SHTN1: variants seen among roughly 807,000 people sequenced by gnomAD.
SHTN1 encodes shootin-1.
SHTN1 carries 42 observed loss-of-function variants against 83.1 expected under a neutral mutation model. The observed-to-expected ratio is 0.51, with a 90% CI of 0.39 to 0.65. The LOEUF (loss-of-function observed/expected upper bound fraction) is 0.65. Ranked by LOEUF, SHTN1 falls within the 30% of genes least tolerant of loss-of-function variation. The pLI, the probability that SHTN1 is intolerant of heterozygous loss-of-function variation, is 0.00. For missense variants in SHTN1, 622 were observed against 737.8 expected, an observed-to-expected ratio of 0.84 and a Z score of 1.82; for synonymous variants, 224 against 247.7, an observed-to-expected ratio of 0.90 and a Z score of 0.90.
At chr10:117,108,945 A>G (rs1351565119) in intron 1 of SHTN1, among the ~76,000 whole-genome samples, 1 of 152,158 alleles carries the variant, frequency 6.6e-6, no homozygotes, top group Non-Finnish European at 1.5e-5. Context: ...TAAAGTGGTG[A>G]GAAACCTGGG....
intron 2 of SHTN1, among the ~76,000 whole-genome samples, chr10:116,971,847 C>T (rs1349244685): frequency 6.6e-6 from 1 of 152,182 alleles, no homozygotes; most frequent in African/African-American, 2.4e-5. Flanking sequence ...CTATGTAGCT[C>T]TCGAAGCTCT....
At chr10:116,989,603 C>A (rs935689689) in intron 1 of SHTN1, among the ~76,000 whole-genome samples, 2 of 152,156 alleles carry the variant, frequency 1.3e-5, no homozygotes, top group African/African-American at 4.8e-5. Flanking sequence ...ATCAGCTCAG[C>A]AATGGCACCA....
At chr10:116,887,691 T>G (rs1326276163) in intron 16 of SHTN1, among the ~76,000 whole-genome samples, 1 of 152,230 alleles carries the variant, frequency 6.6e-6, no homozygotes, top group Non-Finnish European at 1.5e-5. Context: ...TTGTTTCCTG[T>G]CTGTCTCTTC....
At chr10:116,923,993 GA>G (rs1012908236) in intron 11 of SHTN1, among the ~76,000 whole-genome samples, 2 of 152,032 alleles carry the variant, frequency 1.3e-5, no homozygotes, top group African/African-American at 2.4e-5. Context: ...ATAGTAAAAA[GA>G]AAAAAACACA....
chr10:116,941,832 A>G (rs763157738), intron 8 of SHTN1, among the ~76,000 whole-genome samples: 2 of 152,178 alleles, frequency 1.3e-5, no homozygotes, highest in Non-Finnish European at 2.9e-5. Flanking sequence ...ATACTAAAAC[A>G]CTAACATTTT....
chr10:116,920,427 T>C (rs752624811), intron 12 of SHTN1, among the ~76,000 whole-genome samples: 2 of 152,188 alleles, frequency 1.3e-5, no homozygotes, highest in Non-Finnish European at 2.9e-5. Flanking sequence ...CGATCTCCAA[T>C]GAACCAGAGT....
At chr10:117,039,669 C>T (rs949377547) in intron 2 of SHTN1, among the ~76,000 whole-genome samples, 4 of 151,582 alleles carry the variant, frequency 2.6e-5, no homozygotes, top group Non-Finnish European at 4.4e-5. Flanking sequence ...CTGGTTAACA[C>T]GGTGAAAACC....
intron 1 of SHTN1, among the ~76,000 whole-genome samples, chr10:117,102,342 T>C (rs1314823766): frequency 4.6e-5 from 7 of 152,154 alleles, no homozygotes; most frequent in Admixed American, 1.3e-4. Context: ...CAAGATTAAT[T>C]CTTTATTAGG....
rs1450408570 is a variant in SHTN1 at position 116,906,672 on chromosome 10, T to C, written c.1435A>G (p.Arg479Gly). 2 of 1,613,526 alleles carry C rather than the reference T, an allele frequency of 1.2e-6. No homozygotes were observed. Among genetic ancestry groups the C allele is most frequent in the African/African-American group, 1.3e-5 (1 of 74,940 alleles). ...DPENSETELE[R>G]ILRRRKVTAE... ...GTCACCTTTCTGCGACGCAAAATCC[T>C]TTCTAACTCAGTTTCACTGTTTTCA... The change falls in exon 15 of 17, where the codon AGG becomes GGG. Residue 479 changes from arginine to glycine, a missense_variant. Arg to Gly is a moderately radical substitution (Grantham distance 125). Transcript: ENST00000355371.
At chr10:117,056,596 G>T (rs1852829737) in intron 1 of SHTN1, among the ~76,000 whole-genome samples, 1 of 152,122 alleles carries the variant, frequency 6.6e-6, no homozygotes, top group African/African-American at 2.4e-5. Flanking sequence ...GATCACCTGA[G>T]GTCAGGAGAT....
At chr10:117,081,942 C>A (rs2133612469) in intron 1 of SHTN1, among the ~76,000 whole-genome samples, 1 of 149,216 alleles carries the variant, frequency 6.7e-6, no homozygotes, top group South Asian at 2.2e-4. Flanking sequence ...CTTTATTAGT[C>A]TTGCTAGAGG....
intron 2 of SHTN1, among the ~76,000 whole-genome samples, chr10:117,025,661 T>C (rs1172151752): frequency 6.6e-6 from 1 of 152,058 alleles, no homozygotes; most frequent in East Asian, 1.9e-4. Flanking sequence ...TTCCCACCGC[T>C]TGAGGAGAGG....
At chr10:117,106,292 T>C (rs1021659758) in intron 1 of SHTN1, among the ~76,000 whole-genome samples, 34 of 151,926 alleles carry the variant, frequency 2.2e-4, no homozygotes, top group Admixed American at 2.6e-4. Context: ...CCACCTCTAC[T>C]AAAAATACAA....
At chr10:116,980,557 A>C (rs1850978548) in intron 1 of SHTN1, among the ~76,000 whole-genome samples, 1 of 151,986 alleles carries the variant, frequency 6.6e-6, no homozygotes, top group African/African-American at 2.4e-5. Flanking sequence ...CAAAAAAAAA[A>C]AACCCTCAGT....
intron 1 of SHTN1, among the ~76,000 whole-genome samples, chr10:116,995,689 G>C (rs2133525393): frequency 6.6e-6 from 1 of 151,756 alleles, no homozygotes; most frequent in African/African-American, 2.4e-5. Flanking sequence ...TGGTTATATT[G>C]CCAAAGTTTG....
intron 9 of SHTN1, among the ~76,000 whole-genome samples, chr10:116,930,871 T>C (rs1198077371): frequency 1.3e-5 from 2 of 152,322 alleles, no homozygotes; most frequent in East Asian, 3.9e-4. Context: ...CCCATTTCTC[T>C]GAAACCTTGC....
At chr10:117,014,189 TG>T (rs1049805027) in intron 2 of SHTN1, among the ~76,000 whole-genome samples, 1 of 151,902 alleles carries the variant, frequency 6.6e-6, no homozygotes, top group African/African-American at 2.4e-5. Context: ...ATTTTTAGGG[TG>T]ATAGAATTAT....
At chr10:116,987,449 C>T (rs149429372) in intron 1 of SHTN1, among the ~76,000 whole-genome samples, 7 of 151,992 alleles carry the variant, frequency 4.6e-5, no homozygotes, top group South Asian at 2.1e-4. Context: ...GAACAGTATC[C>T]GGTGTTAAGA....
intron 10 of SHTN1, 33 bp downstream of exon 10, chr10:116,929,816 A>C (rs1344030232): frequency 1.3e-6 from 2 of 1,507,324 alleles, no homozygotes; most frequent in Non-Finnish European, 1.8e-6. Flanking sequence ...AAAGATTAAT[A>C]GTAAGACATA....
Sources: gnomAD v4.1 joint callset for allele counts (sites outside exome capture counted in the v4.1 genomes callset) on GRCh38, gnomAD v4.1.1 for gene constraint, MANE v1.5 for transcripts, NCBI Gene and HGNC (gene_info 2026-07-23, HGNC 2026-07-21) for gene names.